The following CNTNAP2 variants were observed in gnomAD, a reference collection of about 807,000 sequenced individuals.
CNTNAP2 encodes the protein contactin-associated protein-like 2.
A neutral mutation model predicts 155.2 loss-of-function variants in CNTNAP2; 98 were observed. That is an observed-to-expected ratio of 0.63 (90% CI 0.54 to 0.75). CNTNAP2 has a LOEUF of 0.75. CNTNAP2 is among the 30% of genes least tolerant of loss of function. CNTNAP2 has a pLI of 0.00. For synonymous variants in CNTNAP2, 651 were observed against 631.2 expected (o/e 1.03, Z -0.47); for missense variants, 1,727 against 1,688.1 (o/e 1.02, Z -0.40).
intron 1 of CNTNAP2, among the ~76,000 whole-genome samples, chr7:146,761,205 G>T (rs10952660): frequency 0.15 from 22,831 of 151,862 alleles, 2,108 homozygotes; most frequent in South Asian, 0.28. Context: ...CCCTAATAGG[G>T]TTAATAACTC....
At chr7:146,303,072 A>ATGTG (rs60828609) in intron 1 of CNTNAP2, among the ~76,000 whole-genome samples, 1,581 of 136,482 alleles carry the variant, frequency 0.012, 21 homozygotes, top group Non-Finnish European at 0.014. Context: ...CTTTGTGTGC[A>ATGTG]TGTGTGTGTG....
At chr7:146,563,729 T>G (rs1798315643) in intron 1 of CNTNAP2, among the ~76,000 whole-genome samples, 1 of 152,118 alleles carries the variant, frequency 6.6e-6, no homozygotes, top group African/African-American at 2.4e-5. Flanking sequence ...AGGAATTAGT[T>G]TTGAGAAAAG....
intron 9 of CNTNAP2, among the ~76,000 whole-genome samples, chr7:147,371,233 G>T (rs1346731333): frequency 6.6e-6 from 1 of 152,064 alleles, no homozygotes; most frequent in Non-Finnish European, 1.5e-5. Flanking sequence ...TACGGATTTG[G>T]AATTAGCTGA....
At position 147,955,806 on chromosome 7, in the gene CNTNAP2, G is replaced by A. The variant is rs373501723; in HGVS notation, c.2256-22056G>A. Among the ~76,000 whole-genome samples, 7 of 152,290 alleles carry A rather than the reference G, an allele frequency of 4.6e-5. No individual in the cohort carries two copies. The East Asian group carries it at 9.7e-4, about 21-fold the overall frequency. On this transcript the variant is annotated intron_variant, in intron 14 of 23. Coordinates refer to ENST00000361727, the MANE Select transcript of CNTNAP2 (RefSeq NM_014141.6). The stretch of plus-strand genomic sequence containing the variant: ...AGCAAAAGCGCCGTGCACATATCTT[G>A]AGATGCAGGTTAAAGAACAAAACAA...
At chr7:146,312,160 G>C (rs1316884787) in intron 1 of CNTNAP2, among the ~76,000 whole-genome samples, 1 of 152,094 alleles carries the variant, frequency 6.6e-6, no homozygotes, top group Non-Finnish European at 1.5e-5. Flanking sequence ...AAAAAGTGTT[G>C]ACACCATTAT....
intron 11 of CNTNAP2, among the ~76,000 whole-genome samples, chr7:147,526,307 G>A (rs1428914495): frequency 6.6e-6 from 1 of 152,124 alleles, no homozygotes; most frequent in East Asian, 1.9e-4. Flanking sequence ...GGACAAATAA[G>A]TTCATTTGTT....
chr7:146,671,556 G>A (rs1325620528), intron 1 of CNTNAP2, among the ~76,000 whole-genome samples: 1 of 152,046 alleles, frequency 6.6e-6, no homozygotes. Context: ...CGCAGAGAAT[G>A]ATTTCTGTGG....
intron 1 of CNTNAP2, among the ~76,000 whole-genome samples, chr7:146,628,628 A>G (rs1799459840): frequency 1.3e-5 from 2 of 152,144 alleles, no homozygotes; most frequent in Non-Finnish European, 2.9e-5. Flanking sequence ...ATTTTAAAAA[A>G]TAAAAAAATG....
intron 13 of CNTNAP2, among the ~76,000 whole-genome samples, chr7:147,839,479 C>A (rs1300777198): frequency 6.6e-6 from 1 of 152,180 alleles, no homozygotes; most frequent in African/African-American, 2.4e-5. Context: ...GAGGCAGTCA[C>A]TCTTGAGCTG....
intron 13 of CNTNAP2, among the ~76,000 whole-genome samples, chr7:147,883,510 C>T (rs1336761556): frequency 6.6e-6 from 1 of 152,154 alleles, no homozygotes; most frequent in Non-Finnish European, 1.5e-5. Flanking sequence ...AACACCAATA[C>T]AGATTCTGCA....
At chr7:146,596,181 G>T (rs1798855754) in intron 1 of CNTNAP2, among the ~76,000 whole-genome samples, 1 of 151,956 alleles carries the variant, frequency 6.6e-6, no homozygotes, top group Admixed American at 6.6e-5. Flanking sequence ...TATCCACATA[G>T]ATTTTCAGTC....
chr7:146,306,785 T>A (rs1195325375), intron 1 of CNTNAP2, among the ~76,000 whole-genome samples: 3 of 152,194 alleles, frequency 2.0e-5, no homozygotes, highest in Non-Finnish European at 4.4e-5. Context: ...GCAACATCCC[T>A]TCATGCTAAA....
chr7:146,188,837 A>G (rs1798660651), intron 1 of CNTNAP2, among the ~76,000 whole-genome samples: 1 of 152,144 alleles, frequency 6.6e-6, no homozygotes, highest in African/African-American at 2.4e-5. Flanking sequence ...TGACATCCCA[A>G]TTTGGCTATT....
intron 8 of CNTNAP2, among the ~76,000 whole-genome samples, chr7:147,270,094 C>T (rs1804708209): frequency 6.6e-6 from 1 of 151,972 alleles, no homozygotes; most frequent in African/African-American, 2.4e-5. Context: ...AATGAAAACA[C>T]AATACGCAAC....
chr7:146,718,253 GATTA>G (rs1247918171), intron 1 of CNTNAP2, among the ~76,000 whole-genome samples: 8 of 152,150 alleles, frequency 5.3e-5, no homozygotes, highest in East Asian at 1.9e-4. Flanking sequence ...AATTCTGTAA[GATTA>G]ATTGTCTACT....
chr7:147,226,956 T>C (rs974292189), intron 8 of CNTNAP2, among the ~76,000 whole-genome samples: 1 of 152,124 alleles, frequency 6.6e-6, no homozygotes, highest in Non-Finnish European at 1.5e-5. Flanking sequence ...TATATTTTGG[T>C]GGAAAGATAC....
intron 13 of CNTNAP2, among the ~76,000 whole-genome samples, chr7:147,711,469 T>C (rs558290308): frequency 6.6e-6 from 1 of 152,300 alleles, no homozygotes; most frequent in African/African-American, 2.4e-5. Context: ...AATGGCTTTA[T>C]GCAAGGGTCA....
chr7:148,223,999 A>G (rs1286775795), intron 19 of CNTNAP2, among the ~76,000 whole-genome samples: 1 of 152,088 alleles, frequency 6.6e-6, no homozygotes, highest in Non-Finnish European at 1.5e-5. Context: ...GACCCATGCC[A>G]GGGGATGGGC....
At chr7:148,172,187 T>G in intron 17 of CNTNAP2, 55 bp from the exon 18 acceptor site, 1 of 1,542,684 alleles carries the variant, frequency 6.5e-7, no homozygotes, top group Non-Finnish European at 8.9e-7. Context: ...ATATGAAGAA[T>G]TAAGCAATAG....
Sources: gnomAD v4.1 joint callset for allele counts (sites outside exome capture counted in the v4.1 genomes callset) on GRCh38, gnomAD v4.1.1 for gene constraint, MANE v1.5 for transcripts, NCBI Gene and HGNC (gene_info 2026-07-23, HGNC 2026-07-21) for gene names.